CDH4: variants seen among roughly 807,000 people sequenced by gnomAD.
The protein encoded by CDH4 is cadherin 4, also known as cadherin-4.
CDH4 carries 33 observed loss-of-function variants against 86.0 expected under a neutral mutation model. The ratio of observed to expected loss-of-function variants is 0.38; its 90% CI spans 0.29 to 0.51. The LOEUF (loss-of-function observed/expected upper bound fraction) is 0.51, where lower values mean the gene tolerates loss of function less well. Among genes scored for constraint, CDH4 ranks in the 20% least tolerant of loss-of-function variants. The probability of loss-of-function intolerance (pLI) is 0.86; values close to 1 mark genes in which losing one functional copy is unlikely to be tolerated. For synonymous variants in CDH4, 555 were observed against 549.4 expected (o/e 1.01, Z -0.14); for missense variants, 1,114 against 1,307.4 (o/e 0.85, Z 2.28).
rs73611549 is a variant in CDH4, at chr20:61,625,150, G to T, written c.170-118413G>T. ...TAAGAATCCCCACAAAACTCACCAG[G>T]GCGGGACGAGAGGGAAGCACCTCTC... On this transcript the variant is annotated intron_variant, in intron 2 of 15. Coordinates refer to ENST00000614565, the MANE Select transcript of CDH4 (RefSeq NM_001794.5). Among the ~76,000 whole-genome samples the T allele has an allele frequency of 2.0e-5, 3 of 152,226 alleles. No individual in the cohort carries two copies. The East Asian group carries it at 5.8e-4, about 29-fold the overall frequency.
intron 2 of CDH4, among the ~76,000 whole-genome samples, chr20:61,660,890 C>A (rs1451954815): frequency 6.6e-6 from 1 of 152,012 alleles, no homozygotes; most frequent in East Asian, 1.9e-4. Context: ...ACCTGGGCAG[C>A]CTTACCGGGA....
chr20:61,352,245 G>A (rs1249565864), intron 2 of CDH4, among the ~76,000 whole-genome samples: 1 of 152,100 alleles, frequency 6.6e-6, no homozygotes, highest in African/African-American at 2.4e-5. Flanking sequence ...TGCAAAGTTT[G>A]TCTTTCTGTC....
chr20:61,500,529 G>A (rs140268548), intron 2 of CDH4, among the ~76,000 whole-genome samples: 12 of 152,324 alleles, frequency 7.9e-5, no homozygotes, highest in African/African-American at 2.2e-4. Context: ...AGAGACTTGA[G>A]TAACCAGGTA....
chr20:61,741,138 G>A (rs1311755873), intron 2 of CDH4, among the ~76,000 whole-genome samples: 1 of 152,182 alleles, frequency 6.6e-6, no homozygotes, highest in Non-Finnish European at 1.5e-5. Flanking sequence ...GAACCTGGGA[G>A]GCGGAGGTTG....
rs2088793449 is a variant in CDH4 at position 61,772,994 on chromosome 20, C to T, written c.397-9C>T. 1 of 1,603,734 alleles carries T rather than the reference C, an allele frequency of 6.2e-7. No individual in the cohort carries two copies. On this transcript the variant is annotated splice_polypyrimidine_tract_variant and intron_variant, in intron 3 of 15. Coordinates refer to ENST00000614565, the MANE Select transcript of CDH4 (RefSeq NM_001794.5). ...TTCTCTGCCTCTTCTCTCCCCTTTC[C>T]AAATAAAGCCGCAGAAAGGAAAGAA...
intron 2 of CDH4, among the ~76,000 whole-genome samples, chr20:61,554,864 TTG>T (rs938883769): frequency 1.8e-4 from 27 of 147,420 alleles, no homozygotes; most frequent in East Asian, 8.1e-4. Context: ...GTTCGCATGT[TTG>T]TGTGTCTGAG....
chr20:61,573,029 G>GA (rs1264047367), intron 2 of CDH4, among the ~76,000 whole-genome samples: 8 of 137,778 alleles, frequency 5.8e-5, no homozygotes, highest in African/African-American at 2.1e-4. Context: ...TGGATGGATG[G>GA]TTGGATGGAT....
rs369821608 is a variant in CDH4, at chr20:61,589,947, G to C, written c.170-153616G>C. Among the ~76,000 whole-genome samples the C allele has an allele frequency of 5.3e-5, 8 of 151,972 alleles. No homozygotes were observed. The South Asian group carries it at 1.7e-3, about 32-fold the overall frequency. The stretch of plus-strand genomic sequence containing the variant: ...CGATGGGAATGGTGCTCCTTGAGAG[G>C]GGGCGGCCAGGAGGCCAGGGTCGGG... On this transcript the variant is annotated intron_variant, in intron 2 of 15. Coordinates refer to ENST00000614565, the MANE Select transcript of CDH4 (RefSeq NM_001794.5).
At chr20:61,535,735 G>T (rs118186799) in intron 2 of CDH4, among the ~76,000 whole-genome samples, 13,683 of 151,972 alleles carry the variant, frequency 0.09, 821 homozygotes, top group East Asian at 0.33. Context: ...AGGGTATGGG[G>T]GCCCTTCAGT....
Position 61,777,647 on chromosome 20 carries a change from C to T in CDH4, c.576+4465C>T, listed in dbSNP as rs555890786. On this transcript the variant is annotated intron_variant, in intron 4 of 15. Coordinates refer to ENST00000614565, the MANE Select transcript of CDH4 (RefSeq NM_001794.5). ...GCATACAAAAACACACGTCTACACA[C>T]GCACACACGTGCATACAAAGACACA... Among the ~76,000 whole-genome samples the T allele has an allele frequency of 9.9e-3, 1,491 of 150,178 alleles. 193 individuals are homozygous for T. Among genetic ancestry groups the T allele is most frequent in the Non-Finnish European group, 0.015 (979 of 67,136 alleles).
chr20:61,292,602 G>A (rs2084328873), intron 2 of CDH4, among the ~76,000 whole-genome samples: 1 of 152,210 alleles, frequency 6.6e-6, no homozygotes, highest in African/African-American at 2.4e-5. Context: ...GGCACAAGAC[G>A]GCCCCACCAC....
intron 2 of CDH4, among the ~76,000 whole-genome samples, chr20:61,373,593 C>A (rs889025822): frequency 6.6e-6 from 1 of 152,126 alleles, no homozygotes. Context: ...TTGCTGCATC[C>A]ACCCTCCCAG....
At chr20:61,376,609 G>T (rs1423760246) in intron 2 of CDH4, among the ~76,000 whole-genome samples, 2 of 152,150 alleles carry the variant, frequency 1.3e-5, no homozygotes, top group East Asian at 1.9e-4. Flanking sequence ...ATGGGGAAAG[G>T]CTAGTCTGGG....
At chr20:61,371,203 G>C (rs2084838338) in intron 2 of CDH4, among the ~76,000 whole-genome samples, 1 of 152,194 alleles carries the variant, frequency 6.6e-6, no homozygotes, top group Non-Finnish European at 1.5e-5. Context: ...GCCCTGGACT[G>C]TGCAGTGCTG....
Position 61,480,894 on chromosome 20 carries a change from C to A in CDH4, c.169+225957C>A, listed in dbSNP as rs1422233023. On this transcript the variant is annotated intron_variant, in intron 2 of 15. Transcript: ENST00000614565. This position sits in a 1 kb window ranked among gnomAD's most constrained non-coding sequence, Gnocchi z 5.2. ...TCTGCTCCTACATGCATTGCCCTCA[C>A]ATGGATTTGTGCGACCAAGATTATA... Among the ~76,000 whole-genome samples the A allele has an allele frequency of 3.9e-5, 6 of 152,262 alleles. No homozygotes were observed. The highest frequency in any genetic ancestry group is 7.3e-5 in the Non-Finnish European group (5 of 68,038).
intron 2 of CDH4, among the ~76,000 whole-genome samples, chr20:61,679,278 CT>C (rs1044351836): frequency 6.6e-6 from 1 of 152,106 alleles, no homozygotes; most frequent in South Asian, 2.1e-4. Context: ...TATTTTCCAG[CT>C]TTTTTGCAGC....
intron 2 of CDH4, among the ~76,000 whole-genome samples, chr20:61,653,205 T>A (rs1172281550): frequency 7.6e-6 from 1 of 130,720 alleles, no homozygotes; most frequent in Non-Finnish European, 1.7e-5. Context: ...TTAATCCATT[T>A]AACCCTGAGT....
At chr20:61,304,398 T>G (rs2084403310) in intron 2 of CDH4, among the ~76,000 whole-genome samples, 1 of 152,182 alleles carries the variant, frequency 6.6e-6, no homozygotes, top group Non-Finnish European at 1.5e-5. Flanking sequence ...TATTTCATAT[T>G]ACATTGTATT....
chr20:61,347,756 A>G (rs2123293842), intron 2 of CDH4, among the ~76,000 whole-genome samples: 1 of 152,292 alleles, frequency 6.6e-6, no homozygotes, highest in Admixed American at 6.5e-5. Context: ...GTCTCATAAC[A>G]TTTGGCGGGG....
Sources: gnomAD v4.1 joint callset for allele counts (sites outside exome capture counted in the v4.1 genomes callset) on GRCh38, gnomAD v4.1.1 for gene constraint, Gnocchi (gnomAD v3.1) non-coding constraint, MANE v1.5 for transcripts, NCBI Gene and HGNC (gene_info 2026-07-23, HGNC 2026-07-21) for gene names.